Variants in ARHGEF28 observed in about 807,000 individuals in gnomAD.
ARHGEF28 encodes Rho guanine nucleotide exchange factor 28, also known as 190 kDa guanine nucleotide exchange factor.
In ARHGEF28, 152 loss-of-function variants were observed where a neutral mutation model predicts 206.6. The ratio of observed to expected loss-of-function variants is 0.74; its 90% CI spans 0.64 to 0.84. ARHGEF28 has a LOEUF of 0.84. Ranked by LOEUF, ARHGEF28 falls within the 40% of genes least tolerant of loss-of-function variation. The probability of loss-of-function intolerance (pLI) is 0.00; values close to 1 mark genes in which losing one functional copy is unlikely to be tolerated. For synonymous variants in ARHGEF28, 763 were observed against 776.4 expected (o/e 0.98, Z 0.29); for missense variants, 2,028 against 2,073.2 (o/e 0.98, Z 0.42).
At chr5:73,902,808 G>A (rs531393213) in intron 31 of ARHGEF28, 1 of 152,180 alleles carries the variant, frequency 6.6e-6, no homozygotes, top group Non-Finnish European at 1.5e-5. Context: ...AGTGGCTTTT[G>A]GGCATAAGTA....
At chr5:73,723,605 T>G (rs1750096351) in intron 2 of ARHGEF28, among the ~76,000 whole-genome samples, 1 of 152,240 alleles carries the variant, frequency 6.6e-6, no homozygotes, top group Non-Finnish European at 1.5e-5. Flanking sequence ...TTGTATGCTT[T>G]TCTAAATGAA....
chr5:73,882,042 G>A (rs183531834), intron 22 of ARHGEF28, among the ~76,000 whole-genome samples: 3 of 151,380 alleles, frequency 2.0e-5, no homozygotes, highest in Admixed American at 1.3e-4. Flanking sequence ...GATTTTTTTG[G>A]GGGGGAGGTT....
chr5:73,791,703 A>G (rs1754493490), intron 7 of ARHGEF28, among the ~76,000 whole-genome samples: 1 of 152,222 alleles, frequency 6.6e-6, no homozygotes, highest in Admixed American at 6.5e-5. Context: ...TCTTACAGCG[A>G]CTTAACCCTG....
intron 2 of ARHGEF28, among the ~76,000 whole-genome samples, chr5:73,732,478 A>G (rs6860889): frequency 0.099 from 15,078 of 152,108 alleles, 1,124 homozygotes; most frequent in African/African-American, 0.21. Flanking sequence ...TCATTTGCCT[A>G]CTGAAAGACA....
chr5:73,866,369 C>G (rs1759707292), intron 18 of ARHGEF28, among the ~76,000 whole-genome samples: 3 of 152,222 alleles, frequency 2.0e-5, no homozygotes, highest in Admixed American at 6.5e-5. Flanking sequence ...ATGTACCTTA[C>G]TTTGTTTTCC....
intron 24 of ARHGEF28, among the ~76,000 whole-genome samples, chr5:73,884,835 G>T (rs1761162293): frequency 6.6e-6 from 1 of 152,028 alleles, no homozygotes. Flanking sequence ...CTAGAGACAA[G>T]AGCAGGTAGC....
chr5:73,790,732 G>A (rs1275449850), intron 7 of ARHGEF28, among the ~76,000 whole-genome samples: 1 of 151,402 alleles, frequency 6.6e-6, no homozygotes, highest in Non-Finnish European at 1.5e-5. Flanking sequence ...CTTTCAAAGT[G>A]TGACAACAGT....
chr5:73,746,253 A>G lies in ARHGEF28; in HGVS notation c.34-3584A>G, dbSNP rs150629981. ...TATAAAGAGTTGTTTAAAATGTTAAAAAGTCAGAAGTACACTTAACGAACA... is the reference window on the plus strand; with the variant it reads ...TATAAAGAGTTGTTTAAAATGTTAAGAAGTCAGAAGTACACTTAACGAACA... On this transcript the variant is annotated intron_variant, in intron 2 of 35. Transcript: ENST00000513042. Among the ~76,000 whole-genome samples the G allele has an allele frequency of 3.0e-3, 454 of 152,242 alleles. 5 individuals carry two copies. The highest frequency in any genetic ancestry group is 0.01 in the African/African-American group (420 of 41,578).
intron 14 of ARHGEF28, among the ~76,000 whole-genome samples, chr5:73,857,132 G>A (rs960872861): frequency 2.0e-5 from 3 of 152,090 alleles, no homozygotes; most frequent in Non-Finnish European, 2.9e-5. Context: ...AGGCTGCACC[G>A]AGTGGCAGTC....
intron 35 of ARHGEF28, among the ~76,000 whole-genome samples, chr5:73,931,372 C>T (rs1764105645): frequency 6.6e-6 from 1 of 152,074 alleles, no homozygotes; most frequent in African/African-American, 2.4e-5. Flanking sequence ...GACTCTTTCA[C>T]TTTAGAGGTA....
rs1184165405 is a variant in ARHGEF28, at chr5:73,909,543, C to CA, written c.4294dup (p.Arg1432LysfsTer4). ...AGGACCAGAAGTCTCGCGACGCGGA[C>CA]AGGCAGCATGAGGAGCTGGCCAATG... On this transcript the variant is annotated frameshift_variant, in exon 34 of 36. Transcript: ENST00000513042. LOFTEE classifies it high-confidence loss of function. 6.3e-7 allele frequency: 1 copy of CA among 1,587,168 alleles called. No homozygotes were observed. Among genetic ancestry groups the CA allele is most frequent in the Admixed American group, 1.8e-5 (1 of 55,526 alleles).
intron 9 of ARHGEF28, 42 bp from the exon 10 acceptor site, chr5:73,832,296 C>A: frequency 6.2e-7 from 1 of 1,603,816 alleles, no homozygotes; most frequent in South Asian, 1.1e-5. Flanking sequence ...TAAAATAAGC[C>A]CCTTCTCCTT....
chr5:73,752,875 C>T, intron 3 of ARHGEF28, 34 bp from the exon 4 acceptor site: 3 of 1,611,266 alleles, frequency 1.9e-6, no homozygotes, highest in Non-Finnish European at 2.5e-6. Flanking sequence ...CTCCTACAGA[C>T]TTGGGGTGAA....
chr5:73,813,639 CA>C (rs1301131743), intron 9 of ARHGEF28: 1 of 1,535,782 alleles, frequency 6.5e-7, no homozygotes, highest in African/African-American at 1.4e-5. Flanking sequence ...CTTCCTTTCC[CA>C]AAATGAAGAT....
chr5:73,882,078 AT>A (rs11411598), intron 22 of ARHGEF28, among the ~76,000 whole-genome samples: 6 of 147,844 alleles, frequency 4.1e-5, no homozygotes, highest in East Asian at 4.5e-4. Flanking sequence ...CAAATGAGTG[AT>A]TTTTTTTGGG....
intron 2 of ARHGEF28, among the ~76,000 whole-genome samples, chr5:73,723,558 T>G (rs917375010): frequency 6.6e-6 from 1 of 152,248 alleles, no homozygotes; most frequent in Non-Finnish European, 1.5e-5. Flanking sequence ...TCTAATTATG[T>G]TGTTTTAATT....
At chr5:73,751,896 G>A (rs910923319) in intron 3 of ARHGEF28, among the ~76,000 whole-genome samples, 4 of 151,950 alleles carry the variant, frequency 2.6e-5, no homozygotes, top group South Asian at 2.1e-4. Flanking sequence ...TTCTGTGCCC[G>A]TACCATGAGA....
intron 9 of ARHGEF28, among the ~76,000 whole-genome samples, chr5:73,812,847 T>G (rs1371089941): frequency 6.6e-6 from 1 of 152,200 alleles, no homozygotes; most frequent in African/African-American, 2.4e-5. Flanking sequence ...GGTAGATAAC[T>G]TTGTATAAAT....
intron 2 of ARHGEF28, among the ~76,000 whole-genome samples, chr5:73,723,212 T>G (rs1750064546): frequency 6.6e-6 from 1 of 152,196 alleles, no homozygotes; most frequent in Non-Finnish European, 1.5e-5. Flanking sequence ...TCCTTTGTGA[T>G]GGAGTCTTGC....
Sources: gnomAD v4.1 joint callset for allele counts (sites outside exome capture counted in the v4.1 genomes callset) on GRCh38, gnomAD v4.1.1 for gene constraint, MANE v1.5 for transcripts, NCBI Gene and HGNC (gene_info 2026-07-23, HGNC 2026-07-21) for gene names.